The following NOS1 variants were observed in gnomAD, a reference collection of about 807,000 sequenced individuals.
NOS1 encodes NOS type I.
A neutral mutation model predicts 164.5 loss-of-function variants in NOS1; 51 were observed. The observed-to-expected ratio is 0.31, with a 90% CI of 0.25 to 0.39. The LOEUF is 0.39. Among genes scored for constraint, NOS1 ranks in the 10% least tolerant of loss-of-function variants. The pLI is 1.00. For synonymous variants in NOS1, 719 were observed against 745.8 expected, an observed-to-expected ratio of 0.96 and a Z score of 0.59; for missense variants, 1,362 against 1,885.6, an observed-to-expected ratio of 0.72 and a Z score of 5.14.
intron 11 of NOS1, among the ~76,000 whole-genome samples, chr12:117,266,073 A>ACC (rs1385798158): frequency 2.0e-5 from 3 of 151,882 alleles, no homozygotes; most frequent in Non-Finnish European, 2.9e-5. Flanking sequence ...TGCTGGGATT[A>ACC]CAGGTGTGAG....
chr12:117,323,457 T>C (rs545158108), intron 2 of NOS1, among the ~76,000 whole-genome samples: 13 of 152,234 alleles, frequency 8.5e-5, no homozygotes, highest in Non-Finnish European at 1.8e-4. Flanking sequence ...GAGTACGAAT[T>C]TGGGGTCAAG....
At chr12:117,290,568 C>A in intron 3 of NOS1, 142 bp from the exon 4 acceptor site, 7 of 1,041,716 alleles carry the variant, frequency 6.7e-6, no homozygotes, top group Non-Finnish European at 9.4e-6. Flanking sequence ...TAAGATCCAG[C>A]CCTTCCTGCT....
intron 22 of NOS1, 144 bp from the exon 23 acceptor site, chr12:117,227,785 G>C (rs1592930158): frequency 2.6e-6 from 2 of 761,698 alleles, no homozygotes. Context: ...GCAGTGCTTT[G>C]GGGGGCCGGG....
intron 7 of NOS1, among the ~76,000 whole-genome samples, chr12:117,282,785 T>C (rs16947411): frequency 0.014 from 2,185 of 152,284 alleles, 51 homozygotes; most frequent in African/African-American, 0.049. Context: ...GTTTCTCTGG[T>C]TGAACATCCG....
chr12:117,241,673 G>C (rs1009068218), intron 20 of NOS1, among the ~76,000 whole-genome samples: 6 of 152,172 alleles, frequency 3.9e-5, no homozygotes, highest in African/African-American at 1.2e-4. Context: ...TACAAGTAGA[G>C]AGATGAGCAG....
chr12:117,209,751 T>C lies in NOS1; in HGVS notation c.*5558A>G, dbSNP rs1419564335. The C allele has an allele frequency of 2.0e-6, 2 of 985,484 alleles. No homozygotes were observed. Among genetic ancestry groups the C allele is most frequent in the Admixed American group, 6.1e-5 (1 of 16,292 alleles). The allele number at this position is 985,484 out of a possible 1,614,324, so 61.0% of individuals were successfully genotyped here. ...TGAAAGTGTACCTGGGTCCTTACAT[T>C]TGGGGAAGGGCAGCTTTTCTTTTGG... On this transcript the variant is annotated 3_prime_UTR_variant, in exon 29 of 29. Transcript: ENST00000317775.
At chr12:117,277,906 G>A (rs1873317952) in intron 9 of NOS1, 53 bp downstream of exon 9, 1 of 1,523,232 alleles carries the variant, frequency 6.6e-7, no homozygotes, top group African/African-American at 1.6e-5. Flanking sequence ...GGGCAAAGAG[G>A]GGCACTGGGC....
chr12:117,280,775 G>A lies in NOS1; in HGVS notation c.1474C>T (p.Gln492Ter). 6.2e-7 allele frequency: 1 copy of A among 1,614,210 alleles called. No homozygotes were observed. The highest frequency in any genetic ancestry group is 8.5e-7 in the Non-Finnish European group (1 of 1,180,042). The stretch of plus-strand genomic sequence containing the variant: ...TCCCCCAGGGTGGAGCCGTCAGGCT[G>A]CTTGTAGCCAGCGTAGCGGATGAGC... ...SQLIRYAGYK[Q>*]PDGSTLGDPA... is the part of the protein sequence containing the mutation. Residue 492 changes from glutamine to a stop codon, truncating the protein, a stop_gained, in exon 8 of 29, where the codon CAG becomes TAG. Coordinates refer to ENST00000317775, the MANE Select transcript of NOS1 (RefSeq NM_000620.5). LOFTEE classifies it high-confidence loss of function.
At chr12:117,240,989 G>C (rs1870126204) in intron 20 of NOS1, among the ~76,000 whole-genome samples, 1 of 150,970 alleles carries the variant, frequency 6.6e-6, no homozygotes, top group South Asian at 2.1e-4. Context: ...GCCCAGGCTG[G>C]AGTACAGTGG....
chr12:117,327,791 A>C (rs1322325906), intron 2 of NOS1, among the ~76,000 whole-genome samples: 1 of 152,096 alleles, frequency 6.6e-6, no homozygotes. Flanking sequence ...TGTACCGAGG[A>C]AAAAAGGAGT....
chr12:117,212,445 C>T lies in NOS1; in HGVS notation c.*2864G>A, dbSNP rs1956543761. 3.0e-6 allele frequency: 3 copies of T among 985,368 alleles called. No individual in the cohort carries two copies. Among genetic ancestry groups the T allele is most frequent in the Non-Finnish European group, 3.6e-6 (3 of 829,936 alleles). 61.0% of individuals were successfully genotyped at this position (985,368 alleles called of 1,614,324 possible). ...TCACTCCAGGGAAACCAAAAGAAGC[C>T]CTCTCTCCTCCCAAGGAGTTTAACA... is the stretch of plus-strand genomic sequence containing the variant. On this transcript the variant is annotated 3_prime_UTR_variant, in exon 29 of 29. Transcript: ENST00000317775.
chr12:117,328,001 GC>G (rs924769788), intron 2 of NOS1, among the ~76,000 whole-genome samples: 10 of 152,132 alleles, frequency 6.6e-5, no homozygotes, highest in Non-Finnish European at 1.5e-4. Flanking sequence ...AGACTGAGGG[GC>G]CATCAAAGGG....
At chr12:117,261,628 T>C (rs570395499) in intron 13 of NOS1, among the ~76,000 whole-genome samples, 1 of 152,270 alleles carries the variant, frequency 6.6e-6, no homozygotes, top group South Asian at 2.1e-4. Context: ...CAGAGCCTGA[T>C]ACCCAACAGG....
At chr12:117,256,520 C>T (rs1428396125) in intron 16 of NOS1, among the ~76,000 whole-genome samples, 8 of 151,508 alleles carry the variant, frequency 5.3e-5, no homozygotes. Context: ...TTAGGTGATC[C>T]TCTCGCCTCA....
chr12:117,242,772 G>T lies in NOS1; in HGVS notation c.2963-67C>A, dbSNP rs1461817224. On this transcript the variant is annotated intron_variant, in intron 19 of 28. Transcript: ENST00000317775. ...ATGTTCCATTAAAAACTCCCCAGGTGGGGCAACGTGGCTCACGCCCATAAT... is the reference window on the plus strand; with the variant it reads ...ATGTTCCATTAAAAACTCCCCAGGTTGGGCAACGTGGCTCACGCCCATAAT... 8.4e-6 allele frequency: 12 copies of T among 1,420,604 alleles called. 1 individual carries two copies. The highest frequency in any genetic ancestry group is 6.0e-6 in the Non-Finnish European group (6 of 1,005,060). 88.0% of individuals were successfully genotyped at this position (1,420,604 alleles called of 1,614,324 possible). A position where few individuals can be genotyped will look rare whatever the true frequency, so the allele number is the denominator to read the frequency against.
chr12:117,277,840 C>A (rs1358636087), intron 9 of NOS1, 119 bp downstream of exon 9: 3 of 1,230,356 alleles, frequency 2.4e-6, no homozygotes, highest in South Asian at 3.1e-5. Context: ...ACCAAGCCCC[C>A]CTTTCCCCTT....
chr12:117,288,292 A>T, intron 4 of NOS1, 73 bp from the exon 5 acceptor site: 3 of 1,430,664 alleles, frequency 2.1e-6, no homozygotes, highest in Non-Finnish European at 2.9e-6. Flanking sequence ...GTGGGCTTGG[A>T]TCTCGTACTC....
intron 13 of NOS1, among the ~76,000 whole-genome samples, chr12:117,261,584 G>A (rs879874704): frequency 2.1e-4 from 32 of 152,166 alleles, no homozygotes; most frequent in Admixed American, 6.5e-4. Context: ...GACCAGGTCT[G>A]ATTTATTCAG....
At chr12:117,259,985 G>C (rs1231595097) in intron 14 of NOS1, among the ~76,000 whole-genome samples, 1 of 152,056 alleles carries the variant, frequency 6.6e-6, no homozygotes, top group Non-Finnish European at 1.5e-5. Context: ...CGAACGTGGT[G>C]GTGGGCGCCT....
Sources: gnomAD v4.1 joint callset for allele counts (sites outside exome capture counted in the v4.1 genomes callset) on GRCh38, gnomAD v4.1.1 for gene constraint, MANE v1.5 for transcripts, NCBI Gene and HGNC (gene_info 2026-07-23, HGNC 2026-07-21) for gene names.